The following PACRG variants were observed in gnomAD, a reference collection of about 807,000 sequenced individuals.
PACRG encodes the protein parkin coregulated.
A neutral mutation model predicts 29.7 loss-of-function variants in PACRG; 29 were observed. The observed-to-expected ratio is 0.98, with a 90% CI of 0.73 to 1.33. PACRG has a LOEUF of 1.33. Ranked by LOEUF, PACRG falls within the 40% of genes most tolerant of loss-of-function variation. PACRG has a pLI of 0.00. For missense variants in PACRG, 279 were observed against 316.2 expected (o/e 0.88, Z 0.89); for synonymous variants, 116 against 118.7 (o/e 0.98, Z 0.15).
At chr6:163,003,338 A>G (rs1804755246) in intron 2 of PACRG, among the ~76,000 whole-genome samples, 1 of 152,194 alleles carries the variant, frequency 6.6e-6, no homozygotes, top group South Asian at 2.1e-4. Flanking sequence ...AGCTTGCTTC[A>G]ATAATTCACT....
At chr6:163,022,745 G>A (rs1806753025) in intron 2 of PACRG, among the ~76,000 whole-genome samples, 2 of 152,240 alleles carry the variant, frequency 1.3e-5, no homozygotes, top group African/African-American at 4.8e-5. Flanking sequence ...TCTGTGGCAA[G>A]TCTGAGATTT....
At chr6:163,156,628 G>A (rs146383337) in intron 4 of PACRG, among the ~76,000 whole-genome samples, 1 of 152,144 alleles carries the variant, frequency 6.6e-6, no homozygotes, top group Admixed American at 6.5e-5. Flanking sequence ...ACAGAGTTGG[G>A]GGCCTAAAAC....
At chr6:163,209,162 A>C (rs1280701074) in intron 4 of PACRG, among the ~76,000 whole-genome samples, 1 of 152,250 alleles carries the variant, frequency 6.6e-6, no homozygotes, top group African/African-American at 2.4e-5. Context: ...GGAAGTACAC[A>C]GTGAACTGTT....
chr6:162,743,744 C>T (rs1780775098), intron 1 of PACRG, among the ~76,000 whole-genome samples: 3 of 152,062 alleles, frequency 2.0e-5, no homozygotes, highest in Admixed American at 2.0e-4. Flanking sequence ...CACTCAGTTA[C>T]AGTGTAACAT....
At chr6:163,050,879 A>C (rs1164038105) in intron 2 of PACRG, among the ~76,000 whole-genome samples, 3 of 152,100 alleles carry the variant, frequency 2.0e-5, no homozygotes, top group African/African-American at 4.8e-5. Context: ...TTTCCCTCTG[A>C]ATATTTACAT....
At chr6:162,867,488 G>C (rs1438367267) in intron 2 of PACRG, among the ~76,000 whole-genome samples, 1 of 151,908 alleles carries the variant, frequency 6.6e-6, no homozygotes, top group Non-Finnish European at 1.5e-5. Flanking sequence ...CTCCTCCAGG[G>C]TCCCTACCTT....
intron 1 of PACRG, among the ~76,000 whole-genome samples, chr6:162,729,653 T>C (rs962723654): frequency 6.6e-6 from 1 of 152,156 alleles, no homozygotes; most frequent in African/African-American, 2.4e-5. Context: ...AGGTTAATCA[T>C]TTAGTTTTTC....
intron 1 of PACRG, among the ~76,000 whole-genome samples, chr6:162,782,715 T>A (rs1247863150): frequency 6.6e-6 from 1 of 151,864 alleles, no homozygotes; most frequent in African/African-American, 2.4e-5. Context: ...AGAGAAAATT[T>A]GTTATGGAAA....
At chr6:163,065,261 A>G (rs749177406) in intron 3 of PACRG, among the ~76,000 whole-genome samples, 11 of 152,176 alleles carry the variant, frequency 7.2e-5, no homozygotes, top group South Asian at 2.1e-4. Flanking sequence ...GTGATGGAGC[A>G]TTGATTGCTG....
chr6:163,134,114 G>A (rs1816839345), intron 4 of PACRG, among the ~76,000 whole-genome samples: 1 of 152,186 alleles, frequency 6.6e-6, no homozygotes, highest in East Asian at 1.9e-4. Flanking sequence ...AGAATGGAAA[G>A]GGAAAGAACT....
chr6:162,782,401 T>G (rs1784161148), intron 1 of PACRG, among the ~76,000 whole-genome samples: 2 of 151,888 alleles, frequency 1.3e-5, no homozygotes. Context: ...TTTTTGGAAT[T>G]GAACAATTTT....
At chr6:162,745,924 G>A (rs1485998593) in intron 1 of PACRG, among the ~76,000 whole-genome samples, 2 of 152,054 alleles carry the variant, frequency 1.3e-5, no homozygotes, top group African/African-American at 4.8e-5. Context: ...GGAAAAAAGT[G>A]TAAACTGATA....
chr6:162,974,568 A>G (rs561866190), intron 2 of PACRG, among the ~76,000 whole-genome samples: 1 of 152,260 alleles, frequency 6.6e-6, no homozygotes, highest in East Asian at 1.9e-4. Flanking sequence ...CACTGAAAAT[A>G]TTTACTAAAT....
At chr6:163,131,634 A>G (rs374667587) in intron 4 of PACRG, among the ~76,000 whole-genome samples, 79 of 139,236 alleles carry the variant, frequency 5.7e-4, no homozygotes, top group African/African-American at 1.7e-3. Flanking sequence ...GGTACGTTAC[A>G]ACAGCTGTAA....
At chr6:163,110,117 C>G (rs940183227) in intron 4 of PACRG, among the ~76,000 whole-genome samples, 6 of 152,172 alleles carry the variant, frequency 3.9e-5, no homozygotes, top group African/African-American at 1.4e-4. Flanking sequence ...TTCATCTTCA[C>G]AGATTCCAAC....
At chr6:162,891,041 T>C (rs1302628781) in intron 2 of PACRG, among the ~76,000 whole-genome samples, 1 of 152,112 alleles carries the variant, frequency 6.6e-6, no homozygotes. Context: ...AGGAAAGCCT[T>C]GTGATGCTCA....
At chr6:163,051,690 C>T (rs994823578) in intron 2 of PACRG, 2 of 152,184 alleles carry the variant, frequency 1.3e-5, no homozygotes, top group African/African-American at 4.8e-5. Flanking sequence ...TCACCAAATG[C>T]TCTGTTTTTC....
intron 4 of PACRG, among the ~76,000 whole-genome samples, chr6:163,258,754 C>CAAA (rs11335989): frequency 3.3e-5 from 4 of 121,452 alleles, no homozygotes; most frequent in African/African-American, 1.2e-4. Context: ...GAATCCATCT[C>CAAA]AAAAAAAAAA....
At chr6:163,036,020 A>G (rs984403680) in intron 2 of PACRG, among the ~76,000 whole-genome samples, 6 of 152,056 alleles carry the variant, frequency 3.9e-5, no homozygotes, top group Admixed American at 3.9e-4. Context: ...TTTAACTTTA[A>G]TAACTTTTGG....
Sources: allele counts gnomAD v4.1 joint callset (sites outside exome capture counted in the v4.1 genomes callset), GRCh38; gene constraint gnomAD v4.1.1; transcripts MANE v1.5; gene names NCBI Gene and HGNC (gene_info 2026-07-23, HGNC 2026-07-21).